The following CLUH variants were observed in gnomAD, a reference collection of about 807,000 sequenced individuals.
The protein encoded by CLUH is clustered mitochondria protein homolog.
A neutral mutation model predicts 139.3 loss-of-function variants in CLUH; 77 were observed. The observed-to-expected ratio is 0.55, with a 90% CI of 0.46 to 0.67. The LOEUF (loss-of-function observed/expected upper bound fraction) is 0.67, where lower values mean the gene tolerates loss of function less well. Among genes scored for constraint, CLUH ranks in the 30% least tolerant of loss-of-function variants. The probability of loss-of-function intolerance (pLI) is 0.00; values close to 1 mark genes in which losing one functional copy is unlikely to be tolerated. For synonymous variants in CLUH, 999 were observed against 801.6 expected (o/e 1.25, Z -4.16); for missense variants, 1,876 against 1,875.8 (o/e 1.00, Z 0.00).
chr17:2,698,164 G>A lies in CLUH; in HGVS notation c.1693C>T (p.Pro565Ser), dbSNP rs1478877401. Reference sequence around the variant, plus strand: ...ACCTGGTGCCGCAGGATCTTGAGGGGCCGACTCGTGCGCTCCAGCAGCTCC... The same window carrying A: ...ACCTGGTGCCGCAGGATCTTGAGGGACCGACTCGTGCGCTCCAGCAGCTCC... ...YLELLERTSR[P>S]LKILRHQVLN... is the part of the protein sequence containing the mutation. The change falls in exon 10 of 26, where the codon CCC becomes TCC. Residue 565 changes from proline to serine, a missense_variant. Around this residue, in one of 3 missense-constraint regions of CLUH, gnomAD observed 1,454 missense variants for 1,384.4 expected, o/e 1.05. Transcript: ENST00000651024. The A allele has an allele frequency of 1.3e-6, 2 of 1,574,096 alleles. No homozygotes were observed. Among genetic ancestry groups the A allele is most frequent in the Admixed American group, 1.9e-5 (1 of 53,690 alleles).
intron 1 of CLUH, chr17:2,711,231 G>T (rs377378718): frequency 1.3e-5 from 2 of 152,234 alleles, no homozygotes; most frequent in East Asian, 1.9e-4. Context: ...GGGCGCAGAG[G>T]GGGTGGGGCC....
Position 2,690,302 on chromosome 17 carries a change from C to G in CLUH, c.*292G>C. The G allele has an allele frequency of 5.3e-6, 2 of 375,478 alleles. No individual in the cohort carries two copies. Among genetic ancestry groups the G allele is most frequent in the Non-Finnish European group, 9.5e-6 (2 of 210,538 alleles). 23.3% of individuals were successfully genotyped at this position (375,478 alleles called of 1,614,324 possible). A position where few individuals can be genotyped will look rare whatever the true frequency, so the allele number is the denominator to read the frequency against. ...CAGGGGCGCACTCGCACACGCCGGCCGGACGGCGGGGGCCGAAGCAACACC... is the reference window on the plus strand; with the variant it reads ...CAGGGGCGCACTCGCACACGCCGGCGGGACGGCGGGGGCCGAAGCAACACC... On this transcript the variant is annotated 3_prime_UTR_variant, in exon 26 of 26. Transcript: ENST00000651024.
chr17:2,707,907 C>G lies in CLUH; in HGVS notation c.101-3343G>C. 2.0e-6 allele frequency: 2 copies of G among 985,440 alleles called. No individual in the cohort carries two copies. The highest frequency in any genetic ancestry group is 2.4e-6 in the Non-Finnish European group (2 of 829,920). 61.0% of individuals were successfully genotyped at this position (985,440 alleles called of 1,614,324 possible). The stretch of plus-strand genomic sequence containing the variant: ...GGTGGAAGGGAGGGGGATGGGCCCC[C>G]AGCTTCCCAGAGGACAACTGCACCC... On this transcript the variant is annotated intron_variant, in intron 1 of 25. Coordinates refer to ENST00000651024, the MANE Select transcript of CLUH (RefSeq NM_001366661.1). This position sits in a 1 kb window ranked among gnomAD's most constrained non-coding sequence, Gnocchi z 7.4.
Position 2,703,231 on chromosome 17 carries a change from G to T in CLUH, c.475+87C>A. The T allele has an allele frequency of 7.2e-7, 1 of 1,397,968 alleles. No individual in the cohort carries two copies. Among genetic ancestry groups the T allele is most frequent in the Non-Finnish European group, 9.7e-7 (1 of 1,030,204 alleles). The allele number at this position is 1,397,968 out of a possible 1,614,324, so 86.6% of individuals were successfully genotyped here. ...ATCCTGCCTCCATGAGCTCATCCGT[G>T]ACACAGGGACCCTGGCATGGATGGT... On this transcript the variant is annotated intron_variant, in intron 3 of 25. Transcript: ENST00000651024. The surrounding 1 kb of genome is among the most constrained non-coding windows in gnomAD (Gnocchi z 4.2).
intron 1 of CLUH, among the ~76,000 whole-genome samples, chr17:2,709,638 T>G (rs8074071): frequency 0.55 from 82,993 of 151,766 alleles, 23,577 homozygotes; most frequent in Admixed American, 0.63. Flanking sequence ...GCCGCTGTAT[T>G]CCCAGGAAGG....
intron 13 of CLUH, chr17:2,695,923 T>G (rs2069923022): frequency 3.4e-6 from 2 of 589,734 alleles, no homozygotes; most frequent in Admixed American, 3.1e-5. Context: ...CATGCCACCA[T>G]CCAGGGCTCA....
Position 2,691,628 on chromosome 17 carries a change from T to A in CLUH, c.3844A>T (p.Ile1282Phe), listed in dbSNP as rs2069639103. 6.2e-7 allele frequency: 1 copy of A among 1,612,688 alleles called. No homozygotes were observed. The highest frequency in any genetic ancestry group is 1.7e-5 in the Admixed American group (1 of 59,966). The part of the protein sequence containing the change: ...VLEQLNVING[I>F]LFIPLSQKDL... ...CCTCACCTGAGAGGAATGAAGAGGA[T>A]GCCGTTAATGACGTTCAGCTGCTCC... Residue 1282 changes from isoleucine (I) to phenylalanine (F), a missense_variant, in exon 25 of 26, where the codon ATC (isoleucine) becomes TTC (phenylalanine). Around this residue, in one of 3 missense-constraint regions of CLUH, gnomAD observed 1,454 missense variants for 1,384.4 expected, o/e 1.05. Transcript: ENST00000651024.
At chr17:2,701,573 C>A (rs774784572) in intron 5 of CLUH, 40 bp downstream of exon 5, 3 of 1,610,858 alleles carry the variant, frequency 1.9e-6, no homozygotes, top group Non-Finnish European at 2.5e-6. Context: ...GGGCCTCCAC[C>A]CCGCCAGGGA....
intron 7 of CLUH, 121 bp from the exon 8 acceptor site, chr17:2,700,946 G>T: frequency 7.0e-7 from 1 of 1,435,380 alleles, no homozygotes; most frequent in Non-Finnish European, 9.2e-7. Context: ...CTGCCCTGGA[G>T]CCAGATGGAA....
rs546163215 is a variant in CLUH at position 2,708,039 on chromosome 17, A to G, written c.101-3475T>C. 37 of 980,126 alleles carry G rather than the reference A, an allele frequency of 3.8e-5. No homozygotes were observed. In the South Asian group the frequency reaches 1.6e-3, roughly 41 times the overall value. 60.7% of individuals were successfully genotyped at this position (980,126 alleles called of 1,614,324 possible). A position where few individuals can be genotyped will look rare whatever the true frequency, so the allele number is the denominator to read the frequency against. On this transcript the variant is annotated intron_variant, in intron 1 of 25. Coordinates refer to ENST00000651024, the MANE Select transcript of CLUH (RefSeq NM_001366661.1). ...AACCAAGTCTCTCCCAGGGGAGAACAGAGCTGGCAGCAAGAGGCCAGTGGC... is the reference window on the plus strand; with the variant it reads ...AACCAAGTCTCTCCCAGGGGAGAACGGAGCTGGCAGCAAGAGGCCAGTGGC...
Position 2,697,913 on chromosome 17 carries a change from GT to G in CLUH, c.1943del (p.Asp648AlafsTer12). 1.3e-6 allele frequency: 2 copies of G among 1,518,332 alleles called. No individual in the cohort carries two copies. Among genetic ancestry groups the G allele is most frequent in the Non-Finnish European group, 1.8e-6 (2 of 1,134,262 alleles). The allele number at this position is 1,518,332 out of a possible 1,614,324, so 94.1% of individuals were successfully genotyped here. On this transcript the variant is annotated frameshift_variant, in exon 10 of 26. Coordinates refer to ENST00000651024, the MANE Select transcript of CLUH (RefSeq NM_001366661.1). LOFTEE classifies it high-confidence loss of function. ...KLCCLRQELV[D>X]AFVEHRYLLF... ...CCCCTCACCTGTGCTCCACGAAGGC[GT>G]CCACCAGCTCCTGGCGCAGGCAGCA...
intron 1 of CLUH, among the ~76,000 whole-genome samples, chr17:2,705,999 C>T (rs1326912721): frequency 6.6e-6 from 1 of 150,814 alleles, no homozygotes; most frequent in Non-Finnish European, 1.5e-5. Flanking sequence ...GGGCCAGGCT[C>T]ACCTGCCTGG....
chr17:2,708,281 AC>A (rs1171454000), intron 1 of CLUH, among the ~76,000 whole-genome samples: 1 of 152,100 alleles, frequency 6.6e-6, no homozygotes, highest in African/African-American at 2.4e-5. Context: ...TCACACAATG[AC>A]CAGAGGAGAA....
At chr17:2,695,576 CAACT>C in intron 13 of CLUH, 50 bp from the exon 14 acceptor site, 1 of 1,521,622 alleles carries the variant, frequency 6.6e-7, no homozygotes, top group Non-Finnish European at 8.8e-7. Flanking sequence ...TGCCTCCACC[CAACT>C]GAGTCCTTCT....
In CLUH at chr17:2,693,892, G is replaced by C; in HGVS notation, c.3231+8C>G. The C allele has an allele frequency of 6.2e-7, 1 of 1,607,126 alleles. No individual in the cohort carries two copies. The highest frequency in any genetic ancestry group is 1.1e-5 in the South Asian group (1 of 90,134). ...GCCAGGCCTTTGCTGCCACAGCCCAGAGGGTACCTCTGCGTAGTCGCCCAT... is the reference window on the plus strand; with the variant it reads ...GCCAGGCCTTTGCTGCCACAGCCCACAGGGTACCTCTGCGTAGTCGCCCAT... On this transcript the variant is annotated splice_region_variant and intron_variant, in intron 19 of 25. Transcript: ENST00000651024.
rs2069826935 is a variant in CLUH at position 2,694,034 on chromosome 17, G to A, written c.3097C>T (p.Leu1033=). Residue 1033 remains leucine, a synonymous_variant, in exon 19 of 26, where the codon CTG becomes TTG. Coordinates refer to ENST00000651024, the MANE Select transcript of CLUH (RefSeq NM_001366661.1). ...SGQAKVQQGF[L]KEGCELINEA... ...TTGATGAGCTCACAGCCCTCCTTCA[G>A]GAAGCCTGCAGGGCACCCCCAGGGG... is the stretch of plus-strand genomic sequence containing the variant. The A allele has an allele frequency of 1.2e-6, 2 of 1,613,766 alleles. No homozygotes were observed. The highest frequency in any genetic ancestry group is 1.7e-6 in the Non-Finnish European group (2 of 1,179,850).
chr17:2,709,931 T>C (rs972268865), intron 1 of CLUH, among the ~76,000 whole-genome samples: 1 of 152,100 alleles, frequency 6.6e-6, no homozygotes, highest in Non-Finnish European at 1.5e-5. Flanking sequence ...AGCTGTGCCC[T>C]TCCCTGACTC....
chr17:2,691,105 C>T (rs1238012504), intron 25 of CLUH, among the ~76,000 whole-genome samples: 1 of 119,202 alleles, frequency 8.4e-6, no homozygotes, highest in African/African-American at 3.2e-5. Flanking sequence ...GTGGCCACCC[C>T]GGGGAGCCCG....
rs2069541076 is a variant in CLUH at position 2,689,567 on chromosome 17, ACGCCCGTCTCCTC to A, written c.*1014_*1026del. The A allele has an allele frequency of 6.5e-6, 1 of 152,922 alleles. No individual in the cohort carries two copies. The allele number at this position is 152,922 out of a possible 1,614,324, so 9.5% of individuals were successfully genotyped here. ...AGCGGCTCTCCGCAAACCCAGGCAG[ACGCCCGTCTCCTC>A]CGGGTCTCAGGGTGGCCACATCCTC... On this transcript the variant is annotated 3_prime_UTR_variant, in exon 26 of 26. Transcript: ENST00000651024.
Sources: allele counts gnomAD v4.1 joint callset (sites outside exome capture counted in the v4.1 genomes callset), GRCh38; gene constraint gnomAD v4.1.1; regional missense constraint gnomAD v4.1.1; non-coding constraint Gnocchi (gnomAD v3.1); transcripts MANE v1.5; gene names NCBI Gene and HGNC (gene_info 2026-07-23, HGNC 2026-07-21).